The following THAP4 variants were observed in gnomAD, a reference collection of about 807,000 sequenced individuals.
THAP4 encodes the protein peroxynitrite isomerase THAP4.
Under a neutral mutation model 48.1 loss-of-function variants are expected in THAP4, and 18 were observed. That is an observed-to-expected ratio of 0.37 (90% CI 0.26 to 0.56). The LOEUF (loss-of-function observed/expected upper bound fraction) is 0.56, where lower values mean the gene tolerates loss of function less well. Ranked by LOEUF, THAP4 falls within the 20% of genes least tolerant of loss-of-function variation. The pLI is 0.78. For missense variants in THAP4, 656 were observed against 774.9 expected (o/e 0.85, Z 1.82); for synonymous variants, 345 against 324.9 (o/e 1.06, Z -0.66).
chr2:241,588,686 C>T (rs1360759132), intron 5 of THAP4, among the ~76,000 whole-genome samples: 5 of 152,178 alleles, frequency 3.3e-5, no homozygotes, highest in Non-Finnish European at 1.5e-5. Flanking sequence ...TAAGGGTTCT[C>T]TTTTCAACAA....
intron 2 of THAP4, among the ~76,000 whole-genome samples, chr2:241,630,884 G>C (rs1428238025): frequency 2.0e-5 from 3 of 151,930 alleles, no homozygotes; most frequent in Non-Finnish European, 4.4e-5. Flanking sequence ...GAATTAGCCA[G>C]GTGTGGTGAT....
chr2:241,611,116 G>A (rs2067267621), intron 2 of THAP4, among the ~76,000 whole-genome samples: 7 of 152,358 alleles, frequency 4.6e-5, no homozygotes, highest in African/African-American at 1.7e-4. Context: ...GCTGTGAGAA[G>A]TGGTGGGTCA....
At chr2:241,586,152 G>C (rs187210989) in intron 5 of THAP4, among the ~76,000 whole-genome samples, 1 of 150,560 alleles carries the variant, frequency 6.6e-6, no homozygotes, top group African/African-American at 2.4e-5. Flanking sequence ...AGCTACTCAG[G>C]AGGCTGAGGC....
At chr2:241,596,050 C>T (rs935438628) in intron 5 of THAP4, among the ~76,000 whole-genome samples, 2 of 152,214 alleles carry the variant, frequency 1.3e-5, no homozygotes, top group South Asian at 4.1e-4. Flanking sequence ...CTGTGCTGAC[C>T]GTGCTCCATG....
chr2:241,603,670 C>T (rs947511493), intron 3 of THAP4, among the ~76,000 whole-genome samples: 41 of 152,228 alleles, frequency 2.7e-4, no homozygotes, highest in African/African-American at 9.9e-4. Context: ...TTGCAGTAAA[C>T]CTCACCCTAA....
chr2:241,593,870 G>C (rs1481288913), intron 5 of THAP4, among the ~76,000 whole-genome samples: 3 of 152,028 alleles, frequency 2.0e-5, no homozygotes, highest in African/African-American at 7.2e-5. Context: ...TATTTTTTGT[G>C]AAACCAGGTT....
chr2:241,606,934 G>A (rs897743774), intron 2 of THAP4, among the ~76,000 whole-genome samples: 5 of 152,180 alleles, frequency 3.3e-5, no homozygotes, highest in Non-Finnish European at 7.3e-5. Flanking sequence ...CACACGGGAG[G>A]CACGGTGCCC....
chr2:241,606,562 T>A, intron 2 of THAP4, 89 bp from the exon 3 acceptor site: 1 of 1,285,804 alleles, frequency 7.8e-7, no homozygotes, highest in Non-Finnish European at 1.0e-6. Context: ...ATATCGACGC[T>A]TGCTTCTGGT....
In THAP4 at chr2:241,633,686, C is replaced by T. The variant is rs750406019; in HGVS notation, c.471G>A (p.Ala157=). The T allele has an allele frequency of 5.2e-5, 84 of 1,611,274 alleles. No individual in the cohort carries two copies. Among genetic ancestry groups the T allele is most frequent in the South Asian group, 4.4e-4 (40 of 91,016 alleles). Residue 157 remains alanine, a synonymous_variant, in exon 2 of 6, where the codon GCG becomes GCA. Transcript: ENST00000407315. This position sits in a 1 kb window ranked among gnomAD's most constrained non-coding sequence, Gnocchi z 7.5. ...AALQGEATPR[A]AQEAASQEQA... ...GCTCCTGGCTGGCGGCCTCCTGGGC[C>T]GCCCTGGGTGTGGCTTCACCTTGCA...
chr2:241,591,842 CAG>C (rs2066983443), intron 5 of THAP4: 1 of 152,206 alleles, frequency 6.6e-6, no homozygotes, highest in Non-Finnish European at 1.5e-5. Context: ...ACATTAAAAA[CAG>C]AATCCATAAA....
At chr2:241,634,868 T>C (rs1312733086) in intron 1 of THAP4, among the ~76,000 whole-genome samples, 2 of 152,140 alleles carry the variant, frequency 1.3e-5, no homozygotes, top group African/African-American at 4.8e-5. Context: ...TTGAGGACAT[T>C]ATACTGAATG....
chr2:241,629,364 G>A (rs1261298449), intron 2 of THAP4, among the ~76,000 whole-genome samples: 1 of 151,190 alleles, frequency 6.6e-6, no homozygotes, highest in Non-Finnish European at 1.5e-5. Context: ...CCAGCTACTC[G>A]AGAGGCTGAG....
intron 2 of THAP4, among the ~76,000 whole-genome samples, chr2:241,630,813 T>C (rs915128378): frequency 3.4e-5 from 5 of 147,616 alleles, no homozygotes; most frequent in African/African-American, 7.5e-5. Flanking sequence ...AGAGAAGGCC[T>C]GGTGTGGTGG....
intron 4 of THAP4, among the ~76,000 whole-genome samples, 159 bp downstream of exon 4, chr2:241,602,811 C>G (rs2067131489): frequency 6.6e-6 from 1 of 152,224 alleles, no homozygotes. Flanking sequence ...GTCGGCCCCG[C>G]AGGCTCCCAG....
At chr2:241,608,712 C>A (rs1394094273) in intron 2 of THAP4, among the ~76,000 whole-genome samples, 2 of 152,178 alleles carry the variant, frequency 1.3e-5, no homozygotes, top group Non-Finnish European at 2.9e-5. Flanking sequence ...TACATCCTAG[C>A]GAGGGCAGAC....
intron 2 of THAP4, among the ~76,000 whole-genome samples, chr2:241,619,250 C>T (rs1207096584): frequency 6.6e-6 from 1 of 152,212 alleles, no homozygotes; most frequent in Admixed American, 6.5e-5. Flanking sequence ...TTTACAGCCA[C>T]TGCAGGATTA....
At chr2:241,609,709 C>A (rs1007147196) in intron 2 of THAP4, among the ~76,000 whole-genome samples, 1 of 152,136 alleles carries the variant, frequency 6.6e-6, no homozygotes, top group African/African-American at 2.4e-5. Flanking sequence ...ATTGCTTGAA[C>A]CCGGGAGGCG....
intron 2 of THAP4, among the ~76,000 whole-genome samples, chr2:241,624,722 G>A (rs1388497416): frequency 6.6e-6 from 1 of 152,166 alleles, no homozygotes; most frequent in Non-Finnish European, 1.5e-5. Context: ...TCCTCTTCCT[G>A]CAGGATGGAG....
chr2:241,584,808 A>G (rs2066872358), intron 5 of THAP4, 83 bp from the exon 6 acceptor site: 1 of 1,546,674 alleles, frequency 6.5e-7, no homozygotes, highest in African/African-American at 1.4e-5. Context: ...TGCATGCCAC[A>G]CACTCATCAC....
Sources: allele counts gnomAD v4.1 joint callset (sites outside exome capture counted in the v4.1 genomes callset), GRCh38; gene constraint gnomAD v4.1.1; non-coding constraint Gnocchi (gnomAD v3.1); transcripts MANE v1.5; gene names NCBI Gene and HGNC (gene_info 2026-07-23, HGNC 2026-07-21).